The following WDR46 variants were observed in gnomAD, a reference collection of about 807,000 sequenced individuals.
The protein encoded by WDR46 is WD repeat-containing protein 46.
Under a neutral mutation model 74.7 loss-of-function variants are expected in WDR46, and 58 were observed. That is an observed-to-expected ratio of 0.78 (90% CI 0.63 to 0.97). The LOEUF (loss-of-function observed/expected upper bound fraction) is 0.97, where lower values mean the gene tolerates loss of function less well. Ranked by LOEUF, WDR46 falls within the 50% of genes least tolerant of loss-of-function variation. The pLI is 0.00. For synonymous variants in WDR46, 278 were observed against 297.3 expected, an observed-to-expected ratio of 0.93 and a Z score of 0.67; for missense variants, 702 against 790.1, an observed-to-expected ratio of 0.89 and a Z score of 1.34.
At chr6:33,287,810 A>G in intron 6 of WDR46, 92 bp from the exon 7 acceptor site, 1 of 1,536,278 alleles carries the variant, frequency 6.5e-7, no homozygotes, top group Non-Finnish European at 9.0e-7. Flanking sequence ...CCATCTCTCC[A>G]GGCGGGCAGA....
chr6:33,284,698 G>C (rs1766467166), intron 10 of WDR46: 1 of 153,702 alleles, frequency 6.5e-6, no homozygotes, highest in Non-Finnish European at 1.5e-5. Flanking sequence ...ATCTAGTTCT[G>C]TATAGCCCAC....
In WDR46 at chr6:33,282,964, C is replaced by G. The variant is rs111362774; in HGVS notation, c.1116-1977G>C. 9.8e-3 allele frequency among the ~76,000 whole-genome samples: 1,486 copies of G among 152,318 alleles called. 32 individuals carry two copies. The highest frequency in any genetic ancestry group is 0.033 in the African/African-American group (1,356 of 41,568). ...CGGTGGCTCACGCCTATAATCCCAG[C>G]ACTTTGGGAGGACAGGCGGGTGGAT... On this transcript the variant is annotated intron_variant, in intron 10 of 14. Coordinates refer to ENST00000374617, the MANE Select transcript of WDR46 (RefSeq NM_005452.6).
rs552702217 is a variant in WDR46 at position 33,279,280 on chromosome 6, C to T, written c.1829G>A (p.Arg610His). ...CAGGCAACCCTGGAGTCTGGCTCAGCGCACAAATCTGTCCAGGGCAGATGG... is the reference window on the plus strand; with the variant it reads ...CAGGCAACCCTGGAGTCTGGCTCAGTGCACAAATCTGTCCAGGGCAGATGG... ...ARPSALDRFV[R>H] Residue 610 changes from arginine to histidine, a missense_variant, in exon 15 of 15, where the codon CGC (arginine) becomes CAC (histidine). Arg to His is a conservative substitution (Grantham distance 29, BLOSUM62 0). Coordinates refer to ENST00000374617, the MANE Select transcript of WDR46 (RefSeq NM_005452.6). The T allele has an allele frequency of 6.8e-6, 11 of 1,614,058 alleles. No homozygotes were observed. In the East Asian group the frequency reaches 8.9e-5, roughly 13 times the overall value.
At position 33,287,145 on chromosome 6, in the gene WDR46, C is replaced by T. The variant is rs775292869; in HGVS notation, c.961G>A (p.Asp321Asn). The change falls in exon 9 of 15, where the codon GAT becomes AAT. Residue 321 changes from aspartate to asparagine, a missense_variant. Coordinates refer to ENST00000374617, the MANE Select transcript of WDR46 (RefSeq NM_005452.6). ...TTGTAAGGGTTCTGACTCATAACAT[C>T]GAGCCGCCCAGCTCGAGCATTCAGA... ...AALNARAGRLDVMSQNPYNAV... is the reference protein window; with the variant it reads ...AALNARAGRLNVMSQNPYNAV... 1.9e-5 allele frequency: 31 copies of T among 1,613,838 alleles called. No individual in the cohort carries two copies. The Admixed American group carries it at 3.5e-4, about 18-fold the overall frequency.
chr6:33,286,826 C>T lies in WDR46; in HGVS notation c.1084G>A (p.Val362Ile). The T allele has an allele frequency of 1.2e-6, 2 of 1,614,090 alleles. No homozygotes were observed. Among genetic ancestry groups the T allele is most frequent in the Non-Finnish European group, 1.7e-6 (2 of 1,180,024 alleles). Residue 362 changes from valine to isoleucine, a missense_variant, in exon 10 of 15, where the codon GTC (valine) becomes ATC (isoleucine). Physicochemically the swap from Val to Ile is conservative, Grantham distance 29. Coordinates refer to ENST00000374617, the MANE Select transcript of WDR46 (RefSeq NM_005452.6). Reference protein sequence around the residue: ...LAKILCHRGGVRAVAVDSTGT... With the variant: ...LAKILCHRGGIRAVAVDSTGT... ...GTAGAATCTACTGCCACAGCCCGGA[C>T]CCCACCACGATGACAGAGAATCTTT...
At chr6:33,285,311 G>A (rs1766516180) in intron 10 of WDR46, among the ~76,000 whole-genome samples, 1 of 151,656 alleles carries the variant, frequency 6.6e-6, no homozygotes, top group Non-Finnish European at 1.5e-5. Flanking sequence ...GAGGTGGGAG[G>A]ATCACCTCAG....
intron 10 of WDR46, among the ~76,000 whole-genome samples, chr6:33,284,174 C>G (rs1026680350): frequency 6.7e-6 from 1 of 149,702 alleles, no homozygotes; most frequent in Non-Finnish European, 1.5e-5. Flanking sequence ...GCTTGAACCC[C>G]GGGGGGCAGA....
At chr6:33,285,359 C>T (rs1292285411) in intron 10 of WDR46, among the ~76,000 whole-genome samples, 3 of 152,026 alleles carry the variant, frequency 2.0e-5, no homozygotes, top group Non-Finnish European at 4.4e-5. Flanking sequence ...TGCACCACCA[C>T]ACCCGGCTAA....
chr6:33,287,622 C>T lies in WDR46; in HGVS notation c.720G>A (p.Arg240=), dbSNP rs1323797437. ...MCEINVMEAV[R]DIRFLHSEAL... is the part of the protein sequence containing the mutation. ...ACAGTGAGGCCACTGACCGGATGTCCCGCACCGCCTCCATGACGTTGATCT... is the reference window on the plus strand; with the variant it reads ...ACAGTGAGGCCACTGACCGGATGTCTCGCACCGCCTCCATGACGTTGATCT... Residue 240 remains arginine (R), a synonymous_variant, in exon 7 of 15, where the codon CGG becomes CGA. Transcript: ENST00000374617. 1 of 1,613,790 alleles carries T rather than the reference C, an allele frequency of 6.2e-7. No homozygotes were observed. Among genetic ancestry groups the T allele is most frequent in the Non-Finnish European group, 8.5e-7 (1 of 1,180,014 alleles).
At position 33,281,944 on chromosome 6, in the gene WDR46, G is replaced by A. The variant is rs143506340; in HGVS notation, c.1116-957C>T. ...TGCCTCCCTGGTTCAAGTGATTCTCGTGCCTCAGCCTCCCAAGTAGCTGGG... is the reference window on the plus strand; with the variant it reads ...TGCCTCCCTGGTTCAAGTGATTCTCATGCCTCAGCCTCCCAAGTAGCTGGG... On this transcript the variant is annotated intron_variant, in intron 10 of 14. Coordinates refer to ENST00000374617, the MANE Select transcript of WDR46 (RefSeq NM_005452.6). Among the ~76,000 whole-genome samples, 1,449 of 152,222 alleles carry A rather than the reference G, an allele frequency of 9.5e-3. 20 individuals are homozygous for A. The highest frequency in any genetic ancestry group is 0.032 in the African/African-American group (1,329 of 41,516).
Position 33,288,358 on chromosome 6 carries a change from C to G in WDR46, c.473G>C (p.Gly158Ala). The G allele has an allele frequency of 6.2e-7, 1 of 1,614,128 alleles. No homozygotes were observed. The highest frequency in any genetic ancestry group is 8.5e-7 in the Non-Finnish European group (1 of 1,180,016). The change falls in exon 4 of 15, where the codon GGG (glycine) becomes GCG (alanine). Residue 158 changes from glycine (G) to alanine (A), a missense_variant and splice_region_variant. Physicochemically the swap from Gly to Ala is moderately conservative, Grantham distance 60 (BLOSUM62 0). Transcript: ENST00000374617. ...GGGGTCCAGATTAGGGCTCACTCAC[C>G]CAGGTTCTTCAGCAAGCAGCAGCTC... is the stretch of plus-strand genomic sequence containing the variant. ...RSELLLAEEP[G>A]FLEGEDGEDT... is the part of the protein sequence containing the mutation.
rs776222936 is a variant in WDR46, at chr6:33,287,127, G to C, written c.979C>G (p.Pro327Ala). 12 of 1,613,948 alleles carry C rather than the reference G, an allele frequency of 7.4e-6. No homozygotes were observed. Among genetic ancestry groups the C allele is most frequent in the Admixed American group, 5.0e-5 (3 of 59,992 alleles). The change falls in exon 9 of 15, where the codon CCT becomes GCT. Residue 327 changes from proline to alanine, a missense_variant. Pro to Ala is a conservative substitution (Grantham distance 27). Coordinates refer to ENST00000374617, the MANE Select transcript of WDR46 (RefSeq NM_005452.6). ...AGRLDVMSQN[P>A]YNAVIHLGHS... ...CCGAGATGGATGACGGCATTGTAAG[G>C]GTTCTGACTCATAACATCGAGCCGC...
Position 33,280,538 on chromosome 6 carries a change from G to A in WDR46, c.1430-16C>T, listed in dbSNP as rs1367867267. 20 of 1,598,000 alleles carry A rather than the reference G, an allele frequency of 1.3e-5. 1 individual carries two copies. The Middle Eastern group carries it at 8.3e-4, about 66-fold the overall frequency. On this transcript the variant is annotated splice_polypyrimidine_tract_variant and intron_variant, in intron 11 of 14. Transcript: ENST00000374617. ...TCACCGGCCCCTGAAGGGAGGGAGG[G>A]AGAAGCATGGAGCCATAAGGAAGAA...
At position 33,280,426 on chromosome 6, in the gene WDR46, A is replaced by G; in HGVS notation, c.1524+2T>C. The G allele has an allele frequency of 6.4e-7, 1 of 1,569,144 alleles. No homozygotes were observed. Among genetic ancestry groups the G allele is most frequent in the Non-Finnish European group, 8.7e-7 (1 of 1,155,634 alleles). On this transcript the variant is annotated splice_donor_variant, in intron 12 of 14. Transcript: ENST00000374617. LOFTEE classifies it high-confidence loss of function. ...TCACCCTCTCCAGCAGGGGAGCCTC[A>G]CCTTCTCTAGCAGGGCCTTCACCTC...
At chr6:33,285,970 G>A (rs1356215271) in intron 10 of WDR46, among the ~76,000 whole-genome samples, 1 of 150,216 alleles carries the variant, frequency 6.7e-6, no homozygotes, top group Admixed American at 6.6e-5. Flanking sequence ...GTAAAACCCC[G>A]TCTCTACAAA....
rs761548969 is a variant in WDR46 at position 33,289,147 on chromosome 6, G to T, written c.24C>A (p.Gly8=). 2 of 1,612,684 alleles carry T rather than the reference G, an allele frequency of 1.2e-6. No homozygotes were observed. Among genetic ancestry groups the T allele is most frequent in the East Asian group, 4.5e-5 (2 of 44,826 alleles). The change falls in exon 1 of 15, where the codon GGC becomes GGA. Residue 8 remains glycine (G), a synonymous_variant. Transcript: ENST00000374617. METAPKP[G]KDVPPKKDKL... is the part of the protein sequence containing the mutation. The stretch of plus-strand genomic sequence containing the variant: ...TGTCTTTCTTGGGCGGGACATCCTT[G>T]CCCGGCTTGGGGGCTGTCTCCATCT...
chr6:33,279,751 G>C lies in WDR46; in HGVS notation c.1620+13C>G. 6.2e-7 allele frequency: 1 copy of C among 1,613,876 alleles called. No homozygotes were observed. The highest frequency in any genetic ancestry group is 8.5e-7 in the Non-Finnish European group (1 of 1,179,864). On this transcript the variant is annotated intron_variant, in intron 13 of 14. Coordinates refer to ENST00000374617, the MANE Select transcript of WDR46 (RefSeq NM_005452.6). ...AGAAGACGGGCCTGGGCATTCAGGG[G>C]CCTGCTCCATACCAGCCTCTCTATC...
rs1765932878 is a variant in WDR46, at chr6:33,279,504, T to G, written c.1727A>C (p.Glu576Ala). The G allele has an allele frequency of 6.2e-7, 1 of 1,613,086 alleles. No homozygotes were observed. The highest frequency in any genetic ancestry group is 1.3e-5 in the African/African-American group (1 of 74,956). ...VKRKRKVMDE[E>A]HRDKVRQSLQ... Reference sequence around the variant, plus strand: ...ATGCCAATGCTCATTTACCCTGTGTTCCTCATCCATGACCTTCCTCTTCCT... The same window carrying G: ...ATGCCAATGCTCATTTACCCTGTGTGCCTCATCCATGACCTTCCTCTTCCT... Residue 576 changes from glutamate (E) to alanine (A), a missense_variant, in exon 14 of 15, where the codon GAA becomes GCA. Transcript: ENST00000374617.
rs1462303403 is a variant in WDR46 at position 33,288,970 on chromosome 6, G to A, written c.113C>T (p.Ala38Val). Residue 38 changes from alanine to valine, a missense_variant, in exon 2 of 15, where the codon GCC becomes GTC. Ala to Val is a moderately conservative substitution (Grantham distance 64). Coordinates refer to ENST00000374617, the MANE Select transcript of WDR46 (RefSeq NM_005452.6). ...YWEEETVPTT[A>V]GASPGPPRNK... ...ACGAGGAGGCCCTGGAGAGGCTCCG[G>A]CTGTGGTCGGAACGGTCTCTTCCTC... is the stretch of plus-strand genomic sequence containing the variant. The A allele has an allele frequency of 1.9e-6, 3 of 1,614,072 alleles. No homozygotes were observed. The highest frequency in any genetic ancestry group is 1.7e-5 in the Admixed American group (1 of 60,024).
Sources: gnomAD v4.1 joint callset for allele counts (sites outside exome capture counted in the v4.1 genomes callset) on GRCh38, gnomAD v4.1.1 for gene constraint, MANE v1.5 for transcripts, NCBI Gene and HGNC (gene_info 2026-07-23, HGNC 2026-07-21) for gene names.